Variants in ZC3H14 observed in about 807,000 individuals in gnomAD.
ZC3H14 encodes the protein zinc finger CCCH-type containing 14.
A neutral mutation model predicts 92.4 loss-of-function variants in ZC3H14; 31 were observed. The observed-to-expected ratio is 0.34, with a 90% CI of 0.25 to 0.45. The LOEUF is 0.45. Among genes scored for constraint, ZC3H14 ranks in the 20% least tolerant of loss-of-function variants. The pLI is 1.00. For missense variants in ZC3H14, 781 were observed against 897.3 expected (o/e 0.87, Z 1.66); for synonymous variants, 321 against 300.9 (o/e 1.07, Z -0.69).
In ZC3H14 at chr14:88,624,209, A is replaced by T. The variant is rs1144914; in HGVS notation, c.*12458A>T. 0.94 allele frequency: 143,423 copies of T among 152,354 alleles called. 67,936 individuals carry two copies. Among genetic ancestry groups the T allele is most frequent in the Non-Finnish European group, 1 (67,875 of 68,188 alleles). The allele number at this position is 152,354 out of a possible 1,614,324, so 9.4% of individuals were successfully genotyped here. ...CTCCCACCTCAGCCTCCTGAGTAGC[A>T]GGGACTACAGGCATGTGCCACCACA... On this transcript the variant is annotated 3_prime_UTR_variant, in exon 17 of 17. Transcript: ENST00000251038.
chr14:88,606,659 C>G (rs2085450217), intron 12 of ZC3H14, among the ~76,000 whole-genome samples: 1 of 150,384 alleles, frequency 6.6e-6, no homozygotes, highest in African/African-American at 2.5e-5. Context: ...ATCACTTGAG[C>G]CTGGGAGGCA....
At chr14:88,564,238 C>T (rs186580408) in intron 2 of ZC3H14, among the ~76,000 whole-genome samples, 1 of 152,174 alleles carries the variant, frequency 6.6e-6, no homozygotes. Context: ...TTTCCGATCT[C>T]TTTATGTTTT....
intron 12 of ZC3H14, among the ~76,000 whole-genome samples, chr14:88,606,487 T>C (rs1184637275): frequency 6.6e-6 from 1 of 152,172 alleles, no homozygotes; most frequent in East Asian, 1.9e-4. Context: ...TAGACATTGC[T>C]GGCTGAGCGC....
In ZC3H14 at chr14:88,616,337, G is replaced by A; in HGVS notation, c.*4586G>A. The A allele has an allele frequency of 8.1e-7, 1 of 1,233,882 alleles. No homozygotes were observed. Among genetic ancestry groups the A allele is most frequent in the Non-Finnish European group, 1.2e-6 (1 of 842,604 alleles). The allele number at this position is 1,233,882 out of a possible 1,614,324, so 76.4% of individuals were successfully genotyped here. On this transcript the variant is annotated 3_prime_UTR_variant, in exon 17 of 17. Transcript: ENST00000251038. ...TATAATCTCTATGACAAGAGCTGTGGAGAGAGTAGGGAGTTAGCACCGCAG... is the reference window on the plus strand; with the variant it reads ...TATAATCTCTATGACAAGAGCTGTGAAGAGAGTAGGGAGTTAGCACCGCAG...
At chr14:88,597,525 C>T (rs1048978884) in intron 10 of ZC3H14, among the ~76,000 whole-genome samples, 3 of 152,182 alleles carry the variant, frequency 2.0e-5, no homozygotes, top group African/African-American at 7.2e-5. Context: ...CACAGTCAGT[C>T]ACTCTGTTCC....
At chr14:88,570,272 G>A (rs1184513451) in intron 3 of ZC3H14, among the ~76,000 whole-genome samples, 6 of 152,236 alleles carry the variant, frequency 3.9e-5, no homozygotes, top group East Asian at 3.9e-4. Flanking sequence ...AATTGTGTCC[G>A]TGGGGACAGT....
chr14:88,618,989 G>T lies in ZC3H14; in HGVS notation c.*7238G>T. 2.1e-6 allele frequency: 1 copy of T among 485,742 alleles called. No individual in the cohort carries two copies. Among genetic ancestry groups the T allele is most frequent in the Non-Finnish European group, 3.4e-6 (1 of 292,560 alleles). 30.1% of individuals were successfully genotyped at this position (485,742 alleles called of 1,614,324 possible). On this transcript the variant is annotated 3_prime_UTR_variant, in exon 17 of 17. Transcript: ENST00000251038. ...AGATTGTCTGGGTTACATGAAATAA[G>T]GAAGCTTTATATTTTACTTAAATTT...
In ZC3H14 at chr14:88,614,376, C is replaced by T. The variant is rs2087279951; in HGVS notation, c.*2625C>T. 6.6e-6 allele frequency: 1 copy of T among 152,182 alleles called. No individual in the cohort carries two copies. The highest frequency in any genetic ancestry group is 2.1e-4 in the South Asian group (1 of 4,828). The allele number at this position is 152,182 out of a possible 1,614,324, so 9.4% of individuals were successfully genotyped here. ...GTCCTTCAGCCACAGCTATTTAGAGCTTTAAAACTACCAGGTTCAATCACT... is the reference window on the plus strand; with the variant it reads ...GTCCTTCAGCCACAGCTATTTAGAGTTTTAAAACTACCAGGTTCAATCACT... On this transcript the variant is annotated 3_prime_UTR_variant, in exon 17 of 17. Coordinates refer to ENST00000251038, the MANE Select transcript of ZC3H14 (RefSeq NM_024824.5).
At chr14:88,586,065 G>A (rs1268594473) in intron 9 of ZC3H14, among the ~76,000 whole-genome samples, 1 of 152,212 alleles carries the variant, frequency 6.6e-6, no homozygotes, top group Non-Finnish European at 1.5e-5. Flanking sequence ...CTACTCAGGA[G>A]GCTGAGGCAG....
intron 9 of ZC3H14, chr14:88,591,479 G>C (rs1352742379): frequency 6.6e-6 from 1 of 152,066 alleles, no homozygotes; most frequent in Non-Finnish European, 1.5e-5. Context: ...AAAGATCATA[G>C]GGTAGAGATG....
intron 9 of ZC3H14, among the ~76,000 whole-genome samples, chr14:88,593,689 T>C (rs1359586068): frequency 1.3e-5 from 2 of 152,158 alleles, no homozygotes; most frequent in Non-Finnish European, 2.9e-5. Context: ...AGAATGAAGT[T>C]GGAACCTTAT....
intron 6 of ZC3H14, among the ~76,000 whole-genome samples, chr14:88,573,484 A>AGT (rs1262845407): frequency 6.6e-6 from 1 of 151,922 alleles, no homozygotes. Context: ...CCCAGGCTGG[A>AGT]GTGTGATGGC....
chr14:88,577,263 C>G (rs1347244864), intron 8 of ZC3H14, among the ~76,000 whole-genome samples: 1 of 152,150 alleles, frequency 6.6e-6, no homozygotes, highest in African/African-American at 2.4e-5. Context: ...GATCTATCAG[C>G]AATATTAATT....
intron 13 of ZC3H14, among the ~76,000 whole-genome samples, chr14:88,607,908 T>C (rs1448998139): frequency 1.6e-5 from 1 of 63,542 alleles, no homozygotes; most frequent in Non-Finnish European, 2.8e-5. Flanking sequence ...GCAAGTATCA[T>C]CCCCCACCTC....
chr14:88,571,502 CAG>C (rs1404271274), intron 4 of ZC3H14, among the ~76,000 whole-genome samples: 27 of 151,996 alleles, frequency 1.8e-4, no homozygotes, highest in Non-Finnish European at 2.2e-4. Flanking sequence ...GGAAGAATAA[CAG>C]AATATACACG....
intron 2 of ZC3H14, chr14:88,567,728 T>A (rs530650275): frequency 1.1e-5 from 4 of 374,634 alleles, no homozygotes; most frequent in Admixed American, 3.8e-5. Context: ...ATATTTCCCA[T>A]AAGCTTCTTT....
At chr14:88,594,535 C>T (rs537479671) in intron 9 of ZC3H14, 1 of 1,430,092 alleles carries the variant, frequency 7.0e-7, no homozygotes, top group East Asian at 2.6e-5. Context: ...AATTCTGACT[C>T]TAGAAATGTA....
intron 2 of ZC3H14, among the ~76,000 whole-genome samples, chr14:88,566,780 T>C (rs1466548421): frequency 2.6e-5 from 4 of 151,784 alleles, no homozygotes; most frequent in African/African-American, 9.7e-5. Context: ...ATTAGCTGGG[T>C]GTGGTGGCAG....
At chr14:88,592,787 C>T (rs1052556789) in intron 9 of ZC3H14, among the ~76,000 whole-genome samples, 13 of 152,056 alleles carry the variant, frequency 8.5e-5, no homozygotes, top group Non-Finnish European at 1.5e-4. Flanking sequence ...AGGTGTGGGC[C>T]TCTGTGCCAG....
Sources: gnomAD v4.1 joint callset for allele counts (sites outside exome capture counted in the v4.1 genomes callset) on GRCh38, gnomAD v4.1.1 for gene constraint, MANE v1.5 for transcripts, NCBI Gene and HGNC (gene_info 2026-07-23, HGNC 2026-07-21) for gene names.